Variants in STAMBPL1 observed in about 807,000 individuals in gnomAD.
STAMBPL1 encodes the protein AMSH-like protease.
A neutral mutation model predicts 52.9 loss-of-function variants in STAMBPL1; 44 were observed. The observed-to-expected ratio is 0.83, with a 90% confidence interval of 0.65 to 1.07. The LOEUF (loss-of-function observed/expected upper bound fraction) is 1.07, where lower values mean the gene tolerates loss of function less well. Among genes scored for constraint, STAMBPL1 ranks in the 50% least tolerant of loss-of-function variants. The pLI is 0.00. For missense variants in STAMBPL1, 511 were observed against 520.8 expected (o/e 0.98, Z 0.18); for synonymous variants, 164 against 177.3 (o/e 0.92, Z 0.60).
intron 1 of STAMBPL1, among the ~76,000 whole-genome samples, chr10:88,888,801 A>G (rs1844606722): frequency 6.6e-6 from 1 of 152,238 alleles, no homozygotes; most frequent in African/African-American, 2.4e-5. Context: ...AGGGCAACCT[A>G]TTCAAAACTT....
chr10:88,883,172 C>T (rs2039674616), intron 1 of STAMBPL1, among the ~76,000 whole-genome samples: 1 of 152,044 alleles, frequency 6.6e-6, no homozygotes, highest in African/African-American at 2.4e-5. Context: ...ATCCGTGTCC[C>T]TACAGAGGAC....
chr10:88,910,051 T>A (rs1022201695), intron 4 of STAMBPL1, among the ~76,000 whole-genome samples: 1 of 152,222 alleles, frequency 6.6e-6, no homozygotes, highest in African/African-American at 2.4e-5. Flanking sequence ...ACTCATGTAC[T>A]ATAACTTAGG....
At chr10:88,900,498 A>G (rs1314007354) in intron 1 of STAMBPL1, among the ~76,000 whole-genome samples, 2 of 152,224 alleles carry the variant, frequency 1.3e-5, no homozygotes, top group East Asian at 3.8e-4. Context: ...TGTCTCAACT[A>G]TAAAATAAAG....
chr10:88,901,304 C>G (rs1164717523), intron 1 of STAMBPL1: 1 of 154,486 alleles, frequency 6.5e-6, no homozygotes, highest in African/African-American at 2.4e-5. Flanking sequence ...GTTTAACAGT[C>G]CATGCTTCTA....
intron 5 of STAMBPL1, chr10:88,912,724 C>T (rs897851033): frequency 6.1e-6 from 1 of 165,002 alleles, no homozygotes; most frequent in Admixed American, 6.2e-5. Flanking sequence ...CAAATAACCA[C>T]ATGTGGCTAG....
chr10:88,922,314 CT>C, intron 9 of STAMBPL1, 22 bp from the exon 10 acceptor site: 1 of 1,610,542 alleles, frequency 6.2e-7, no homozygotes, highest in South Asian at 1.1e-5. Context: ...ATTTTTCTAT[CT>C]TGTTTTTGCT....
intron 1 of STAMBPL1, among the ~76,000 whole-genome samples, chr10:88,899,412 T>C (rs896051608): frequency 2.0e-5 from 3 of 152,240 alleles, no homozygotes; most frequent in Non-Finnish European, 2.9e-5. Context: ...TTAGATGCAG[T>C]AAAATGTAAA....
intron 8 of STAMBPL1, among the ~76,000 whole-genome samples, 185 bp from the exon 9 acceptor site, chr10:88,921,098 T>C (rs1000320145): frequency 3.9e-5 from 6 of 152,186 alleles, no homozygotes; most frequent in African/African-American, 1.4e-4. Flanking sequence ...CTCAGAATTG[T>C]AGTTATTCCA....
chr10:88,921,486 A>G (rs1233276120), intron 9 of STAMBPL1, 91 bp downstream of exon 9: 1 of 1,000,572 alleles, frequency 1.0e-6, no homozygotes, highest in African/African-American at 1.6e-5. Flanking sequence ...TGGTACTTGG[A>G]TTGGCAAGCA....
At chr10:88,914,734 A>G (rs1191966709) in intron 7 of STAMBPL1, 76 bp downstream of exon 7, 12 of 640,266 alleles carry the variant, frequency 1.9e-5, no homozygotes, top group Non-Finnish European at 2.6e-5. Flanking sequence ...ATTTCTTCTG[A>G]TAAGTGGAAC....
At chr10:88,892,973 A>G (rs1290946361) in intron 1 of STAMBPL1, among the ~76,000 whole-genome samples, 1 of 152,238 alleles carries the variant, frequency 6.6e-6, no homozygotes, top group Non-Finnish European at 1.5e-5. Context: ...TCATTGAACT[A>G]AGTATCTTTT....
chr10:88,887,278 T>G (rs1000047198), intron 1 of STAMBPL1, among the ~76,000 whole-genome samples: 1 of 152,198 alleles, frequency 6.6e-6, no homozygotes, highest in Admixed American at 6.5e-5. Flanking sequence ...TCAAAATCAT[T>G]GGTGGGTGTA....
intron 9 of STAMBPL1, 55 bp downstream of exon 9, chr10:88,921,450 T>C: frequency 2.1e-6 from 3 of 1,418,310 alleles, no homozygotes; most frequent in South Asian, 1.2e-5. Context: ...GGCTGCTGGG[T>C]TCCTGTGTGT....
chr10:88,922,297 A>G, intron 9 of STAMBPL1, 40 bp from the exon 10 acceptor site: 2 of 1,597,308 alleles, frequency 1.3e-6, no homozygotes, highest in Admixed American at 3.3e-5. Context: ...TGCCCAAATG[A>G]TCCTTAATTT....
At chr10:88,916,883 A>G (rs1845385728) in intron 8 of STAMBPL1, 66 bp downstream of exon 8, 1 of 1,375,564 alleles carries the variant, frequency 7.3e-7, no homozygotes, top group East Asian at 2.7e-5. Flanking sequence ...TCCTTGAAGA[A>G]AAGTTTAGCT....
chr10:88,923,312 A>G lies in STAMBPL1; in HGVS notation c.*88A>G, dbSNP rs1845562333. 6.7e-7 allele frequency: 1 copy of G among 1,483,584 alleles called. No homozygotes were observed. Among genetic ancestry groups the G allele is most frequent in the East Asian group, 2.5e-5 (1 of 39,294 alleles). 91.9% of individuals were successfully genotyped at this position (1,483,584 alleles called of 1,614,324 possible). On this transcript the variant is annotated 3_prime_UTR_variant, in exon 11 of 11. Transcript: ENST00000371926. ...TTTTCTTAAGATGTTTCCAGAAATG[A>G]CTGATATTTTATATTTATACATTTT... is the stretch of plus-strand genomic sequence containing the variant.
At chr10:88,890,398 C>A (rs1365765172) in intron 1 of STAMBPL1, among the ~76,000 whole-genome samples, 1 of 152,162 alleles carries the variant, frequency 6.6e-6, no homozygotes, top group African/African-American at 2.4e-5. Flanking sequence ...ACAAATACAA[C>A]AACTAGGAGG....
intron 1 of STAMBPL1, among the ~76,000 whole-genome samples, chr10:88,895,473 A>G (rs933920685): frequency 2.0e-5 from 3 of 152,196 alleles, no homozygotes; most frequent in Non-Finnish European, 4.4e-5. Context: ...TTACACATCA[A>G]CCGACCATCT....
intron 1 of STAMBPL1, among the ~76,000 whole-genome samples, chr10:88,892,670 C>T (rs775263267): frequency 1.3e-5 from 2 of 152,126 alleles, no homozygotes; most frequent in Non-Finnish European, 2.9e-5. Flanking sequence ...AGTGCAAAAC[C>T]AAATGTATGA....
Sources: allele counts gnomAD v4.1 joint callset (sites outside exome capture counted in the v4.1 genomes callset), GRCh38; gene constraint gnomAD v4.1.1; transcripts MANE v1.5; gene names NCBI Gene and HGNC (gene_info 2026-07-23, HGNC 2026-07-21).